The following LRP1B variants were observed in gnomAD, a reference collection of about 807,000 sequenced individuals.
LRP1B encodes the protein low-density lipoprotein receptor-related protein 1B.
Under a neutral mutation model 556.6 loss-of-function variants are expected in LRP1B, and 217 were observed. The observed-to-expected ratio is 0.39, with a 90% confidence interval of 0.35 to 0.44. LRP1B has a LOEUF of 0.44. Among genes scored for constraint, LRP1B ranks in the 20% least tolerant of loss-of-function variants. The pLI, the probability that LRP1B is intolerant of heterozygous loss-of-function variation, is 1.00. For missense variants in LRP1B, 5,053 were observed against 5,620.8 expected (o/e 0.90, Z 3.23); for synonymous variants, 2,047 against 1,865.8 (o/e 1.10, Z -2.50).
rs555416840 is a variant in LRP1B, at chr2:141,077,343, C to T, written c.1014-15070G>A. Among the ~76,000 whole-genome samples the T allele has an allele frequency of 2.6e-5, 4 of 152,234 alleles. No individual in the cohort carries two copies. In the East Asian group the frequency reaches 7.7e-4, roughly 29 times the overall value. On this transcript the variant is annotated intron_variant, in intron 7 of 90. Coordinates refer to ENST00000389484, the MANE Select transcript of LRP1B (RefSeq NM_018557.3). ...ATTTTTGCAATTTATTACATATAGGCCAATTAGTTTTTCAAAGAAAACAGA... is the reference window on the plus strand; with the variant it reads ...ATTTTTGCAATTTATTACATATAGGTCAATTAGTTTTTCAAAGAAAACAGA...
At chr2:140,730,694 G>A (rs1376578678) in intron 35 of LRP1B, among the ~76,000 whole-genome samples, 1 of 152,002 alleles carries the variant, frequency 6.6e-6, no homozygotes, top group African/African-American at 2.4e-5. Flanking sequence ...CAAGTAGCTG[G>A]GATTACAGGC....
intron 66 of LRP1B, among the ~76,000 whole-genome samples, chr2:140,395,285 A>G (rs2105217573): frequency 6.6e-6 from 1 of 152,332 alleles, no homozygotes; most frequent in Non-Finnish European, 1.5e-5. Flanking sequence ...GGGATTCACA[A>G]ACCCATGCTT....
At chr2:140,822,619 T>C (rs1341577036) in intron 31 of LRP1B, among the ~76,000 whole-genome samples, 4 of 152,244 alleles carry the variant, frequency 2.6e-5, no homozygotes, top group Admixed American at 2.6e-4. Flanking sequence ...GGTTCTTGGA[T>C]ACTCCTGGCT....
intron 57 of LRP1B, among the ~76,000 whole-genome samples, chr2:140,488,349 A>G (rs890435641): frequency 6.6e-6 from 1 of 152,052 alleles, no homozygotes; most frequent in Non-Finnish European, 1.5e-5. Flanking sequence ...TGAGTATTTG[A>G]CCAAGGAGGA....
chr2:140,353,123 C>T, intron 75 of LRP1B, 51 bp from the exon 76 acceptor site: 3 of 1,575,792 alleles, frequency 1.9e-6, no homozygotes, highest in Non-Finnish European at 2.6e-6. Context: ...ATTCAGACTC[C>T]TATTCTTACC....
intron 23 of LRP1B, among the ~76,000 whole-genome samples, chr2:140,890,186 AAAACAC>A (rs386651194): frequency 0.52 from 79,110 of 151,796 alleles, 22,273 homozygotes; most frequent in Middle Eastern, 0.65. Context: ...ATGTTGCTTA[AAAACAC>A]AAACTGTAAG....
At chr2:140,810,341 G>A (rs547968699) in intron 32 of LRP1B, among the ~76,000 whole-genome samples, 188 of 152,156 alleles carry the variant, frequency 1.2e-3, no homozygotes, top group Middle Eastern at 6.8e-3. Context: ...TCACTTCATA[G>A]TACAATGACT....
intron 18 of LRP1B, 41 bp from the exon 19 acceptor site, chr2:140,951,981 T>A (rs867512337): frequency 7.6e-7 from 1 of 1,307,618 alleles, no homozygotes; most frequent in Middle Eastern, 1.8e-4. Context: ...AACATGTTAT[T>A]GACTGTGCAT....
chr2:142,075,805 A>C (rs1054683372), intron 1 of LRP1B, among the ~76,000 whole-genome samples: 5 of 152,094 alleles, frequency 3.3e-5, no homozygotes, highest in Non-Finnish European at 5.9e-5. Flanking sequence ...ACCTTAGGGA[A>C]GTTCAGGGCA....
chr2:141,129,310 C>A (rs1460668894), intron 7 of LRP1B, among the ~76,000 whole-genome samples: 3 of 152,040 alleles, frequency 2.0e-5, no homozygotes, highest in Non-Finnish European at 4.4e-5. Flanking sequence ...ATGCACTAGC[C>A]TCTTGAGACT....
intron 66 of LRP1B, among the ~76,000 whole-genome samples, chr2:140,399,786 C>T (rs1038984326): frequency 6.6e-6 from 1 of 152,142 alleles, no homozygotes; most frequent in African/African-American, 2.4e-5. Context: ...AAGAGGAAAC[C>T]ATTGTGATAG....
chr2:141,884,938 G>A (rs1287574781), intron 1 of LRP1B, among the ~76,000 whole-genome samples: 1 of 152,172 alleles, frequency 6.6e-6, no homozygotes, highest in Non-Finnish European at 1.5e-5. Flanking sequence ...TGGATGGATT[G>A]ATTGGCTCAG....
chr2:140,564,975 T>C (rs1681071726), intron 43 of LRP1B, among the ~76,000 whole-genome samples: 1 of 152,044 alleles, frequency 6.6e-6, no homozygotes, highest in Admixed American at 6.6e-5. Flanking sequence ...GAAACACTGG[T>C]ATGATTTAGC....
chr2:140,655,356 T>C (rs926276756), intron 41 of LRP1B, among the ~76,000 whole-genome samples: 1 of 152,200 alleles, frequency 6.6e-6, no homozygotes, highest in Non-Finnish European at 1.5e-5. Flanking sequence ...CCTGCTCTAA[T>C]AATTTTCTAG....
chr2:141,062,103 C>T lies in LRP1B; in HGVS notation c.1184G>A (p.Gly395Glu), dbSNP rs964778644. 6.2e-7 allele frequency: 1 copy of T among 1,611,776 alleles called. No homozygotes were observed. The highest frequency in any genetic ancestry group is 8.5e-7 in the Non-Finnish European group (1 of 1,178,698). ...ATTTTTTCCTTGATAGTCCACTACTCCCACATAGTCCAAGTAAAGATCTAC... is the reference window on the plus strand; with the variant it reads ...ATTTTTTCCTTGATAGTCCACTACTTCCACATAGTCCAAGTAAAGATCTAC... ...YWVDLYLDYV[G>E]VVDYQGKNRH... The change falls in exon 8 of 91, where the codon GGA becomes GAA. Residue 395 changes from glycine to glutamate, a missense_variant. Gly to Glu is a moderately conservative substitution (Grantham distance 98). Transcript: ENST00000389484.
At chr2:141,674,299 G>C (rs1255544362) in intron 2 of LRP1B, among the ~76,000 whole-genome samples, 1 of 151,956 alleles carries the variant, frequency 6.6e-6, no homozygotes, top group Non-Finnish European at 1.5e-5. Context: ...AAATATATCT[G>C]TTAATAATCA....
Position 141,222,976 on chromosome 2 carries a change from C to A in LRP1B, c.850+6207G>T, listed in dbSNP as rs1251597951. On this transcript the variant is annotated intron_variant, in intron 6 of 90. Coordinates refer to ENST00000389484, the MANE Select transcript of LRP1B (RefSeq NM_018557.3). Reference sequence around the variant, plus strand: ...GAAGCATTCCCCTTGAAAACCAGCACAAGACAAGGATGCCCCCTCTCACCA... The same window carrying A: ...GAAGCATTCCCCTTGAAAACCAGCAAAAGACAAGGATGCCCCCTCTCACCA... Among the ~76,000 whole-genome samples, 3 of 152,100 alleles carry A rather than the reference C, an allele frequency of 2.0e-5. 1 individual carries two copies. Among genetic ancestry groups the A allele is most frequent in the Non-Finnish European group, 1.5e-5 (1 of 68,012 alleles).
intron 3 of LRP1B, among the ~76,000 whole-genome samples, chr2:141,342,030 G>A (rs1688079263): frequency 6.6e-6 from 1 of 151,708 alleles, no homozygotes; most frequent in African/African-American, 2.4e-5. Flanking sequence ...GGATCACGAG[G>A]TCAGGAGATC....
intron 41 of LRP1B, among the ~76,000 whole-genome samples, chr2:140,629,238 T>TG: frequency 6.6e-6 from 1 of 151,856 alleles, no homozygotes; most frequent in African/African-American, 2.4e-5. Context: ...TTTTTTTTTT[T>TG]TGTATTTTTG....
Sources: allele counts gnomAD v4.1 joint callset (sites outside exome capture counted in the v4.1 genomes callset), GRCh38; gene constraint gnomAD v4.1.1; transcripts MANE v1.5; gene names NCBI Gene and HGNC (gene_info 2026-07-23, HGNC 2026-07-21).